ELMO1: variants seen among roughly 807,000 people sequenced by gnomAD.
The protein encoded by ELMO1 is engulfment and cell motility protein 1.
A neutral mutation model predicts 98.9 loss-of-function variants in ELMO1; 26 were observed. The observed-to-expected ratio is 0.26, with a 90% confidence interval of 0.19 to 0.36. The LOEUF (loss-of-function observed/expected upper bound fraction) is 0.36. Among genes scored for constraint, ELMO1 ranks in the 10% least tolerant of loss-of-function variants. The pLI, the probability that ELMO1 is intolerant of heterozygous loss-of-function variation, is 1.00. For missense variants in ELMO1, 627 were observed against 935.2 expected, an observed-to-expected ratio of 0.67 and a Z score of 4.30; for synonymous variants, 346 against 346.0, an observed-to-expected ratio of 1.00 and a Z score of 0.00.
At chr7:37,116,556 C>T (rs867131426) in intron 14 of ELMO1, among the ~76,000 whole-genome samples, 1 of 152,030 alleles carries the variant, frequency 6.6e-6, no homozygotes, top group Non-Finnish European at 1.5e-5. Flanking sequence ...CCTTTCAATT[C>T]ACATTAGACT....
intron 13 of ELMO1, among the ~76,000 whole-genome samples, chr7:37,202,770 T>C (rs1348022019): frequency 6.9e-6 from 1 of 144,734 alleles, no homozygotes; most frequent in Non-Finnish European, 1.5e-5. Flanking sequence ...AGAGAGAATA[T>C]GGGGCCAGGC....
Position 37,266,261 on chromosome 7 carries a change from G to A in ELMO1, c.243+5571C>T, listed in dbSNP as rs181438847. Among the ~76,000 whole-genome samples the A allele has an allele frequency of 9.7e-3, 1,474 of 151,742 alleles. 40 individuals carry two copies. The highest frequency in any genetic ancestry group is 8.8e-3 in the Non-Finnish European group (599 of 67,932). On this transcript the variant is annotated intron_variant, in intron 5 of 21. Transcript: ENST00000310758. ...AATTGAAAACCTGAATTGAAAAATGGAATTAAAAAAAAAAATTAATGGGCT... is the reference window on the plus strand; with the variant it reads ...AATTGAAAACCTGAATTGAAAAATGAAATTAAAAAAAAAAATTAATGGGCT...
Position 36,930,303 on chromosome 7 carries a change from A to T in ELMO1, c.1438-35286T>A, listed in dbSNP as rs17170787. On this transcript the variant is annotated intron_variant, in intron 16 of 21. Coordinates refer to ENST00000310758, the MANE Select transcript of ELMO1 (RefSeq NM_014800.11). ...AGTGTTAGGCTAATTCAAAAGCTGT[A>T]TCTTGCTTTCAAATGGCAGATTCAG... Among the ~76,000 whole-genome samples the T allele has an allele frequency of 8.1e-3, 1,232 of 152,350 alleles. 38 individuals carry two copies. In the East Asian group the frequency reaches 0.082, roughly 10 times the overall value.
intron 1 of ELMO1, among the ~76,000 whole-genome samples, chr7:37,374,279 G>A (rs2131365394): frequency 6.6e-6 from 1 of 152,318 alleles, no homozygotes; most frequent in South Asian, 2.1e-4. Flanking sequence ...AGGGGAGGCT[G>A]AGGTTTTGCT....
intron 15 of ELMO1, among the ~76,000 whole-genome samples, chr7:37,057,519 A>G (rs1796448995): frequency 6.6e-6 from 1 of 152,244 alleles, no homozygotes; most frequent in Non-Finnish European, 1.5e-5. Context: ...AGCTTCTTTC[A>G]TGCTTTCATG....
chr7:37,444,506 T>C (rs1384339259), intron 1 of ELMO1, among the ~76,000 whole-genome samples: 1 of 151,080 alleles, frequency 6.6e-6, no homozygotes, highest in Non-Finnish European at 1.5e-5. Flanking sequence ...TGGCAAGTTC[T>C]ACAAATAGTG....
At chr7:36,857,733 A>C (rs1048466824) in intron 21 of ELMO1, among the ~76,000 whole-genome samples, 1 of 152,240 alleles carries the variant, frequency 6.6e-6, no homozygotes, top group African/African-American at 2.4e-5. Flanking sequence ...AAGGGCTAAA[A>C]AATAATGACC....
intron 18 of ELMO1, 47 bp downstream of exon 18, chr7:36,887,513 G>A: frequency 1.9e-6 from 3 of 1,561,814 alleles, no homozygotes; most frequent in East Asian, 2.2e-5. Context: ...CAGGGAGCGG[G>A]CCACTGTTTA....
chr7:36,906,418 A>G (rs146409609), intron 16 of ELMO1, among the ~76,000 whole-genome samples: 5 of 152,388 alleles, frequency 3.3e-5, no homozygotes, highest in African/African-American at 1.2e-4. Context: ...TGAATTATTA[A>G]TGAAATATTG....
At chr7:36,868,351 T>TTC (rs1562783096) in intron 20 of ELMO1, among the ~76,000 whole-genome samples, 19 of 100,378 alleles carry the variant, frequency 1.9e-4, no homozygotes, top group Non-Finnish European at 3.0e-4. Flanking sequence ...TCTTCTTCTT[T>TTC]TTTTTTTTTT....
chr7:36,903,356 A>G (rs546709247), intron 16 of ELMO1, among the ~76,000 whole-genome samples: 102 of 152,280 alleles, frequency 6.7e-4, no homozygotes, highest in Non-Finnish European at 1.0e-3. Flanking sequence ...CAGTCCCATC[A>G]TAGCACTGAC....
At chr7:37,349,797 C>T (rs952011036) in intron 1 of ELMO1, among the ~76,000 whole-genome samples, 1 of 152,180 alleles carries the variant, frequency 6.6e-6, no homozygotes, top group African/African-American at 2.4e-5. Flanking sequence ...GTACACTGAA[C>T]CTCAGAAGGG....
rs778657625 is a variant in ELMO1 at position 37,271,728 on chromosome 7, G to A, written c.243+104C>T. The A allele has an allele frequency of 2.3e-5, 28 of 1,227,716 alleles. No homozygotes were observed. The East Asian group carries it at 5.0e-4, about 22-fold the overall frequency. 76.1% of individuals were successfully genotyped at this position (1,227,716 alleles called of 1,614,324 possible). A position where few individuals can be genotyped will look rare whatever the true frequency, so the allele number is the denominator to read the frequency against. On this transcript the variant is annotated intron_variant, in intron 5 of 21. Coordinates refer to ENST00000310758, the MANE Select transcript of ELMO1 (RefSeq NM_014800.11). ...TGTCAGGACATTCTGGAAGCCTTTT[G>A]CTTTGCACTAAAGTCAACCTCAAAA...
chr7:37,041,547 T>A (rs1795508500), intron 15 of ELMO1, among the ~76,000 whole-genome samples: 2 of 151,736 alleles, frequency 1.3e-5, no homozygotes, highest in Admixed American at 1.3e-4. Context: ...ACAGACAGAG[T>A]GAGGAAGTGG....
intron 16 of ELMO1, among the ~76,000 whole-genome samples, chr7:36,956,797 T>C (rs1006965138): frequency 2.0e-5 from 3 of 151,470 alleles, no homozygotes; most frequent in Non-Finnish European, 4.4e-5. Flanking sequence ...TGGAACTTAA[T>C]GAGTAAATAA....
chr7:36,972,970 G>A (rs1036934122), intron 16 of ELMO1, among the ~76,000 whole-genome samples: 2 of 152,102 alleles, frequency 1.3e-5, no homozygotes, highest in African/African-American at 4.8e-5. Context: ...TAGTGGAGAC[G>A]AGGTTTTGCC....
intron 1 of ELMO1, among the ~76,000 whole-genome samples, chr7:37,434,166 G>T (rs954002092): frequency 6.6e-6 from 1 of 152,200 alleles, no homozygotes; most frequent in South Asian, 2.1e-4. Flanking sequence ...AAACCTGGGC[G>T]ATAAGGAGGT....
At chr7:37,060,111 C>T (rs368373687) in intron 15 of ELMO1, among the ~76,000 whole-genome samples, 1 of 152,304 alleles carries the variant, frequency 6.6e-6, no homozygotes, top group South Asian at 2.1e-4. Flanking sequence ...ATTACCCATG[C>T]TTTCATAAAG....
At chr7:37,169,045 C>T (rs1285389524) in intron 13 of ELMO1, among the ~76,000 whole-genome samples, 5 of 152,170 alleles carry the variant, frequency 3.3e-5, no homozygotes, top group Non-Finnish European at 5.9e-5. Flanking sequence ...TGGGCAATGG[C>T]GGGCACCCCT....
Sources: gnomAD v4.1 joint callset for allele counts (sites outside exome capture counted in the v4.1 genomes callset) on GRCh38, gnomAD v4.1.1 for gene constraint, MANE v1.5 for transcripts, NCBI Gene and HGNC (gene_info 2026-07-23, HGNC 2026-07-21) for gene names.